Variants in CCNA2 observed in about 807,000 individuals in gnomAD.
CCNA2 encodes the protein cyclin A2.
CCNA2 carries 3 observed loss-of-function variants against 49.4 expected under a neutral mutation model. That is an observed-to-expected ratio of 0.06 (90% CI 0.03 to 0.16). The LOEUF (loss-of-function observed/expected upper bound fraction) is 0.16. CCNA2 is among the 10% of genes least tolerant of loss of function. The pLI is 1.00. For missense variants in CCNA2, 372 were observed against 519.7 expected (o/e 0.72, Z 2.76); for synonymous variants, 206 against 197.2 (o/e 1.04, Z -0.37).
Position 121,819,352 on chromosome 4 carries a change from C to T in CCNA2, c.1002+20G>A, listed in dbSNP as rs376843753. On this transcript the variant is annotated intron_variant, in intron 5 of 7. Coordinates refer to ENST00000274026, the MANE Select transcript of CCNA2 (RefSeq NM_001237.5). ...TTATTACCAAAGAATCACCATTCAACAAAATGAAAGTTAACTCACCATTGC... is the reference window on the plus strand; with the variant it reads ...TTATTACCAAAGAATCACCATTCAATAAAATGAAAGTTAACTCACCATTGC... 1.1e-5 allele frequency: 18 copies of T among 1,589,806 alleles called. No individual in the cohort carries two copies. The highest frequency in any genetic ancestry group is 1.3e-5 in the Non-Finnish European group (15 of 1,158,290).
In CCNA2 at chr4:121,823,625, A is replaced by G; in HGVS notation, c.4T>C (p.Leu2=). ...GCAGGCCCCGGCGCAGAGTTGCCCA[A>G]CATCACTGCTCCCGGGAGTGGACGG... M[L]GNSAPGPATR... The change falls in exon 1 of 8, where the codon TTG becomes CTG. Residue 2 remains leucine (L), a synonymous_variant. Coordinates refer to ENST00000274026, the MANE Select transcript of CCNA2 (RefSeq NM_001237.5). The G allele has an allele frequency of 6.3e-7, 1 of 1,587,160 alleles. No individual in the cohort carries two copies. The highest frequency in any genetic ancestry group is 8.5e-7 in the Non-Finnish European group (1 of 1,171,338).
In CCNA2 at chr4:121,817,369, A is replaced by AAAGT. The variant is rs1724564579; in HGVS notation, c.*265_*268dup. On this transcript the variant is annotated 3_prime_UTR_variant, in exon 8 of 8. Transcript: ENST00000274026. ...CCTGAAGAAGTTAAATTTGACTTGC[A>AAAGT]AAGTTTTCCAAATCAATTTATTATC... is the stretch of plus-strand genomic sequence containing the variant. 3.0e-6 allele frequency: 1 copy of AAAGT among 334,176 alleles called. No homozygotes were observed. Among genetic ancestry groups the AAAGT allele is most frequent in the Non-Finnish European group, 5.4e-6 (1 of 186,204 alleles). 20.7% of individuals were successfully genotyped at this position (334,176 alleles called of 1,614,324 possible). A position where few individuals can be genotyped will look rare whatever the true frequency, so the allele number is the denominator to read the frequency against.
At chr4:121,819,781 G>C (rs971483309) in intron 4 of CCNA2, among the ~76,000 whole-genome samples, 1 of 152,110 alleles carries the variant, frequency 6.6e-6, no homozygotes, top group Non-Finnish European at 1.5e-5. Flanking sequence ...GGACTTTTGA[G>C]ATATTTTCCC....
chr4:121,817,056 C>G lies in CCNA2; in HGVS notation c.*582G>C, dbSNP rs1030599684. 1.9e-6 allele frequency: 1 copy of G among 530,980 alleles called. No individual in the cohort carries two copies. The highest frequency in any genetic ancestry group is 2.0e-5 in the African/African-American group (1 of 50,928). 32.9% of individuals were successfully genotyped at this position (530,980 alleles called of 1,614,324 possible). The stretch of plus-strand genomic sequence containing the variant: ...TGTTAATTTGCATATAAGCTTCCCA[C>G]CCTCTTCCACTCCCAACCTCTGTTG... On this transcript the variant is annotated 3_prime_UTR_variant, in exon 8 of 8. Coordinates refer to ENST00000274026, the MANE Select transcript of CCNA2 (RefSeq NM_001237.5).
At chr4:121,818,938 CA>C (rs1183997072) in intron 5 of CCNA2, 25 bp from the exon 6 acceptor site, 4 of 1,422,052 alleles carry the variant, frequency 2.8e-6, no homozygotes, top group Non-Finnish European at 4.0e-6. Flanking sequence ...ACTTTATGAT[CA>C]CAAGAGCGTT....
At position 121,823,403 on chromosome 4, in the gene CCNA2, C is replaced by T; in HGVS notation, c.213+13G>A. The stretch of plus-strand genomic sequence containing the variant: ...TCGACCCACCCTCCTGCAGATATCC[C>T]GCATCCCTTTACCCGTCTCGTCTTC... On this transcript the variant is annotated intron_variant, in intron 1 of 7. Coordinates refer to ENST00000274026, the MANE Select transcript of CCNA2 (RefSeq NM_001237.5). 1 of 1,604,998 alleles carries T rather than the reference C, an allele frequency of 6.2e-7. No homozygotes were observed. Among genetic ancestry groups the T allele is most frequent in the Non-Finnish European group, 8.5e-7 (1 of 1,174,570 alleles).
chr4:121,819,244 C>T (rs1724630748), intron 5 of CCNA2, 128 bp downstream of exon 5: 1 of 684,818 alleles, frequency 1.5e-6, no homozygotes. Context: ...CAGCATTAAT[C>T]TCCCTCTGAA....
At position 121,816,598 on chromosome 4, in the gene CCNA2, C is replaced by T. The variant is rs1162027628; in HGVS notation, c.*1040G>A. 6.1e-6 allele frequency: 5 copies of T among 816,810 alleles called. No individual in the cohort carries two copies. The highest frequency in any genetic ancestry group is 5.3e-5 in the African/African-American group (3 of 56,136). The allele number at this position is 816,810 out of a possible 1,614,324, so 50.6% of individuals were successfully genotyped here. A position where few individuals can be genotyped will look rare whatever the true frequency, so the allele number is the denominator to read the frequency against. Reference sequence around the variant, plus strand: ...ATCCATCTGTTCTGTGATTTTTTTACCTTGTGATTTATAAAAATTAGGACC... The same window carrying T: ...ATCCATCTGTTCTGTGATTTTTTTATCTTGTGATTTATAAAAATTAGGACC... On this transcript the variant is annotated 3_prime_UTR_variant, in exon 8 of 8. Transcript: ENST00000274026.
intron 2 of CCNA2, among the ~76,000 whole-genome samples, chr4:121,822,065 T>C (rs935690859): frequency 1.3e-5 from 2 of 152,226 alleles, no homozygotes; most frequent in Non-Finnish European, 1.5e-5. Context: ...CACTAAGTGA[T>C]ATATAAGTGA....
At chr4:121,817,729 T>G in intron 7 of CCNA2, 43 bp from the exon 8 acceptor site, 1 of 1,609,612 alleles carries the variant, frequency 6.2e-7, no homozygotes, top group Non-Finnish European at 8.5e-7. Flanking sequence ...AAACACTCAC[T>G]GGGTAAAGGA....
At chr4:121,822,098 T>A (rs1724703955) in intron 2 of CCNA2, among the ~76,000 whole-genome samples, 1 of 152,132 alleles carries the variant, frequency 6.6e-6, no homozygotes, top group Non-Finnish European at 1.5e-5. Flanking sequence ...TGAAATCTAT[T>A]CTCCCAACCA....
In CCNA2 at chr4:121,817,566, C is replaced by T; in HGVS notation, c.*72G>A. 2 of 1,564,136 alleles carry T rather than the reference C, an allele frequency of 1.3e-6. No individual in the cohort carries two copies. The highest frequency in any genetic ancestry group is 2.4e-5 in the South Asian group (2 of 85,054). ...TTCAGAAATGATTGTAAAATTAAAA[C>T]CTAAGTTAAAAACTGTACACCATAT... On this transcript the variant is annotated 3_prime_UTR_variant, in exon 8 of 8. Transcript: ENST00000274026.
At chr4:121,822,324 C>T (rs991743131) in intron 2 of CCNA2, 79 bp downstream of exon 2, 2 of 1,394,308 alleles carry the variant, frequency 1.4e-6, no homozygotes, top group Non-Finnish European at 2.0e-6. Context: ...CTACATAAGA[C>T]ATCTTAAAAT....
chr4:121,817,826 TCTGGTCC>T (rs764552883), intron 7 of CCNA2, 140 bp from the exon 8 acceptor site: 90 of 1,266,702 alleles, frequency 7.1e-5, no homozygotes, highest in Non-Finnish European at 9.2e-5. Flanking sequence ...AGAAACACTG[TCTGGTCC>T]CTGAAACACA....
At position 121,820,434 on chromosome 4, in the gene CCNA2, A is replaced by T; in HGVS notation, c.794+108T>A. On this transcript the variant is annotated intron_variant, in intron 4 of 7. Coordinates refer to ENST00000274026, the MANE Select transcript of CCNA2 (RefSeq NM_001237.5). This position sits in a 1 kb window ranked among gnomAD's most constrained non-coding sequence, Gnocchi z 4.1. ...CCCAGCACATTGCCATCCCTAAAGTAGTCACTGACTCTGCCTGGTGTATGT... is the reference window on the plus strand; with the variant it reads ...CCCAGCACATTGCCATCCCTAAAGTTGTCACTGACTCTGCCTGGTGTATGT... The T allele has an allele frequency of 1.4e-6, 1 of 715,754 alleles. No homozygotes were observed. The highest frequency in any genetic ancestry group is 2.4e-6 in the Non-Finnish European group (1 of 419,340). The allele number at this position is 715,754 out of a possible 1,614,324, so 44.3% of individuals were successfully genotyped here.
rs1724529712 is a variant in CCNA2, at chr4:121,816,730, T to G, written c.*908A>C. On this transcript the variant is annotated 3_prime_UTR_variant, in exon 8 of 8. Transcript: ENST00000274026. ...GCCTCTTATTTCAATAATCCAAAAC[T>G]TAACATACTCTTAGTAAATTCTTAC... 1 of 1,528,740 alleles carries G rather than the reference T, an allele frequency of 6.5e-7. No homozygotes were observed. The highest frequency in any genetic ancestry group is 2.3e-5 in the East Asian group (1 of 42,580). 94.7% of individuals were successfully genotyped at this position (1,528,740 alleles called of 1,614,324 possible). A position where few individuals can be genotyped will look rare whatever the true frequency, so the allele number is the denominator to read the frequency against.
intron 6 of CCNA2, 123 bp from the exon 7 acceptor site, chr4:121,818,300 G>T (rs1311806727): frequency 1.7e-5 from 14 of 830,562 alleles, no homozygotes; most frequent in African/African-American, 1.4e-4. Context: ...CCAACTACTA[G>T]TTTTCTCAGG....
At chr4:121,823,337 C>T (rs939296067) in intron 1 of CCNA2, 79 bp downstream of exon 1, 2 of 1,469,710 alleles carry the variant, frequency 1.4e-6, no homozygotes, top group Middle Eastern at 1.8e-4. Flanking sequence ...CATGCCTTCT[C>T]GCCACTCTTC....
At chr4:121,821,125 T>C in intron 2 of CCNA2, 34 bp from the exon 3 acceptor site, 1 of 1,595,414 alleles carries the variant, frequency 6.3e-7, no homozygotes, top group South Asian at 1.1e-5. Flanking sequence ...TTAAATTAAT[T>C]GTTTGCCTAT....
Sources: gnomAD v4.1 joint callset for allele counts (sites outside exome capture counted in the v4.1 genomes callset) on GRCh38, gnomAD v4.1.1 for gene constraint, Gnocchi (gnomAD v3.1) non-coding constraint, MANE v1.5 for transcripts, NCBI Gene and HGNC (gene_info 2026-07-23, HGNC 2026-07-21) for gene names.